Variants in COL10A1 observed in about 807,000 individuals in gnomAD.
COL10A1 encodes the protein collagen alpha-1(X) chain.
A neutral mutation model predicts 18.2 loss-of-function variants in COL10A1; 10 were observed. The ratio of observed to expected loss-of-function variants is 0.55; its 90% confidence interval spans 0.34 to 0.93. The LOEUF is 0.93. COL10A1 is among the 40% of genes least tolerant of loss of function. The probability of loss-of-function intolerance (pLI) is 0.02; values close to 1 mark genes in which losing one functional copy is unlikely to be tolerated. For synonymous variants in COL10A1, 330 were observed against 316.6 expected, an observed-to-expected ratio of 1.04 and a Z score of -0.45; for missense variants, 897 against 853.5, an observed-to-expected ratio of 1.05 and a Z score of -0.64.
chr6:116,121,619 G>T lies in COL10A1; in HGVS notation c.497C>A (p.Ala166Asp), dbSNP rs906010571. 1 of 1,613,790 alleles carries T rather than the reference G, an allele frequency of 6.2e-7. No individual in the cohort carries two copies. The highest frequency in any genetic ancestry group is 1.3e-5 in the African/African-American group (1 of 74,866). The change falls in exon 3 of 3, where the codon GCC (alanine) becomes GAC (aspartate). Residue 166 changes from alanine to aspartate, a missense_variant. Physicochemically the swap from Ala to Asp is moderately radical, Grantham distance 126 (BLOSUM62 -2). Transcript: ENST00000651968. ...TCCAGGAAAGCCCCTGGGTCCTGGG[G>T]CTCCTGTGGGTCCCTGTTGTCCAGG... is the stretch of plus-strand genomic sequence containing the variant. ...GKPGQQGPTG[A>D]PGPRGFPGEK...
chr6:116,177,912 A>T, the COL10A1 span, among the ~76,000 whole-genome samples: 1 of 152,184 alleles, frequency 6.6e-6, no homozygotes, highest in African/African-American at 2.4e-5. Flanking sequence ...CTTTTGCTAG[A>T]ATACATTTAA....
At chr6:116,175,673 G>C in the COL10A1 span, among the ~76,000 whole-genome samples, 1 of 152,116 alleles carries the variant, frequency 6.6e-6, no homozygotes, top group Non-Finnish European at 1.5e-5. Flanking sequence ...TTCAAGTTCA[G>C]TGATATTTCC....
chr6:116,200,809 T>C, the COL10A1 span, among the ~76,000 whole-genome samples: 2 of 152,000 alleles, frequency 1.3e-5, no homozygotes, highest in African/African-American at 4.8e-5. Flanking sequence ...ATAACAGTTC[T>C]TCACCTTCTT....
chr6:116,212,514 T>C, the COL10A1 span, among the ~76,000 whole-genome samples: 7 of 152,234 alleles, frequency 4.6e-5, 1 homozygote, highest in South Asian at 1.4e-3. Flanking sequence ...CTGCATACTT[T>C]TGGCTTTATT....
intron 1 of COL10A1, among the ~76,000 whole-genome samples, chr6:116,141,144 A>T (rs1779754780): frequency 6.6e-6 from 1 of 152,004 alleles, no homozygotes; most frequent in Non-Finnish European, 1.5e-5. Flanking sequence ...GTCTCATTTT[A>T]TTGTATTTGT....
chr6:116,209,510 G>C, the COL10A1 span, among the ~76,000 whole-genome samples: 1 of 152,146 alleles, frequency 6.6e-6, no homozygotes, highest in East Asian at 1.9e-4. Flanking sequence ...CTTATTACAA[G>C]TGTTGATTAT....
intron 1 of COL10A1, among the ~76,000 whole-genome samples, chr6:116,157,925 C>T (rs537238133): frequency 2.6e-5 from 4 of 152,280 alleles, no homozygotes; most frequent in South Asian, 2.1e-4. Flanking sequence ...ATGTCTCAAA[C>T]GTGTTACAGG....
At chr6:116,188,225 C>A in the COL10A1 span, among the ~76,000 whole-genome samples, 1 of 151,970 alleles carries the variant, frequency 6.6e-6, no homozygotes, top group Non-Finnish European at 1.5e-5. Flanking sequence ...GCAAAGAGAA[C>A]CCTTAAACTG....
intron 1 of COL10A1, among the ~76,000 whole-genome samples, chr6:116,137,873 A>T (rs923649338): frequency 2.0e-5 from 3 of 152,184 alleles, no homozygotes; most frequent in African/African-American, 7.2e-5. Context: ...CAAGGTCAAG[A>T]GTTCGAGACC....
the COL10A1 span, among the ~76,000 whole-genome samples, chr6:116,203,048 G>A: frequency 3.3e-3 from 500 of 152,016 alleles, 3 homozygotes; most frequent in Non-Finnish European, 5.8e-3. Flanking sequence ...TTTTCCCACA[G>A]ATTATGATAT....
At chr6:116,177,911 G>A in the COL10A1 span, among the ~76,000 whole-genome samples, 1 of 152,132 alleles carries the variant, frequency 6.6e-6, no homozygotes, top group East Asian at 1.9e-4. Flanking sequence ...ACTTTTGCTA[G>A]AATACATTTA....
the COL10A1 span, among the ~76,000 whole-genome samples, chr6:116,202,123 C>G: frequency 6.6e-6 from 1 of 151,972 alleles, no homozygotes; most frequent in Non-Finnish European, 1.5e-5. Context: ...CTTAATTTAA[C>G]TTGAAGTAGC....
intron 1 of COL10A1, among the ~76,000 whole-genome samples, chr6:116,132,513 G>A (rs1469450023): frequency 6.6e-6 from 1 of 151,394 alleles, no homozygotes; most frequent in Non-Finnish European, 1.5e-5. Flanking sequence ...AGGTACATAT[G>A]TCTTTATTCA....
the COL10A1 span, among the ~76,000 whole-genome samples, chr6:116,203,697 T>G: frequency 6.6e-5 from 10 of 151,938 alleles, no homozygotes; most frequent in Admixed American, 2.0e-4. Context: ...TACATGTGAT[T>G]TTCATGCCTA....
Position 116,121,418 on chromosome 6 carries a change from A to G in COL10A1, c.698T>C (p.Ile233Thr), listed in dbSNP as rs1362257548. ...TCCCGGAAAACCTCTATCACCTTTG[A>G]TGCCTGGCTGTCCTGGAACCCCATT... is the stretch of plus-strand genomic sequence containing the variant. The part of the protein sequence containing the change: ...GENGVPGQPG[I>T]KGDRGFPGEM... The change falls in exon 3 of 3, where the codon ATC (isoleucine) becomes ACC (threonine). Residue 233 changes from isoleucine to threonine, a missense_variant. Ile to Thr is a moderately conservative substitution (Grantham distance 89, BLOSUM62 -1). Coordinates refer to ENST00000651968, the MANE Select transcript of COL10A1 (RefSeq NM_000493.4). 1.2e-6 allele frequency: 2 copies of G among 1,613,640 alleles called. No individual in the cohort carries two copies. Among genetic ancestry groups the G allele is most frequent in the Non-Finnish European group, 1.7e-6 (2 of 1,179,930 alleles).
At chr6:116,139,116 A>G (rs1262174346) in intron 1 of COL10A1, among the ~76,000 whole-genome samples, 1 of 152,166 alleles carries the variant, frequency 6.6e-6, no homozygotes, top group Admixed American at 6.5e-5. Context: ...TTAAAAATAC[A>G]GAAAAAAGGA....
At position 116,120,703 on chromosome 6, in the gene COL10A1, A is replaced by G; in HGVS notation, c.1413T>C (p.Ser471=). The change falls in exon 3 of 3, where the codon AGT becomes AGC. Residue 471 remains serine (S), a synonymous_variant. Coordinates refer to ENST00000651968, the MANE Select transcript of COL10A1 (RefSeq NM_000493.4). ...GFPGSKGDPG[S]PGPPGPAGIA... The stretch of plus-strand genomic sequence containing the variant: ...TGCCAGCTGGGCCAGGAGGACCGGG[A>G]CTTCCTGGATCCCCTTTAGACCCAG... 1 of 1,556,982 alleles carries G rather than the reference A, an allele frequency of 6.4e-7. No homozygotes were observed.
At chr6:116,124,462 A>G (rs1236618259) in intron 2 of COL10A1, among the ~76,000 whole-genome samples, 1 of 152,170 alleles carries the variant, frequency 6.6e-6, no homozygotes, top group East Asian at 1.9e-4. Context: ...AGTAATCTTC[A>G]AAGAGTAACC....
chr6:116,191,890 A>G, the COL10A1 span, among the ~76,000 whole-genome samples: 1 of 152,092 alleles, frequency 6.6e-6, no homozygotes, highest in South Asian at 2.1e-4. Flanking sequence ...AGGAGGCATT[A>G]TCAGTGATAA....
Sources: gnomAD v4.1 joint callset for allele counts (sites outside exome capture counted in the v4.1 genomes callset) on GRCh38, gnomAD v4.1.1 for gene constraint, MANE v1.5 for transcripts, NCBI Gene and HGNC (gene_info 2026-07-23, HGNC 2026-07-21) for gene names.